Variants in GSC observed in about 807,000 individuals in gnomAD.
GSC encodes the protein goosecoid homeobox.
In GSC, 13 loss-of-function variants were observed where a neutral mutation model predicts 24.5. The ratio of observed to expected loss-of-function variants is 0.53; its 90% CI spans 0.35 to 0.84. GSC has a LOEUF of 0.84. Among genes scored for constraint, GSC ranks in the 40% least tolerant of loss-of-function variants. The pLI, the probability that GSC is intolerant of heterozygous loss-of-function variation, is 0.01. For missense variants in GSC, 382 were observed against 384.2 expected, an observed-to-expected ratio of 0.99 and a Z score of 0.05; for synonymous variants, 199 against 182.1, an observed-to-expected ratio of 1.09 and a Z score of -0.75.
At chr14:94,768,895 C>T (rs930059252) in intron 2 of GSC, 63 bp downstream of exon 2, 18 of 1,544,984 alleles carry the variant, frequency 1.2e-5, no homozygotes, top group Non-Finnish European at 1.6e-5. Context: ...TGGGCAAACC[C>T]GACTGGGGCC....
rs1364836375 is a variant in GSC, at chr14:94,769,063, C to T, written c.510G>A (p.Glu170=). ...AGAGGTTCTCGAGAGCTTCGAGCTGCTCGTCAGTGAAGATGGTGCGGTGCC... is the reference window on the plus strand; with the variant it reads ...AGAGGTTCTCGAGAGCTTCGAGCTGTTCGTCAGTGAAGATGGTGCGGTGCC... ...KRRHRTIFTD[E]QLEALENLFQ... Residue 170 remains glutamate, a synonymous_variant, in exon 2 of 3, where the codon GAG becomes GAA. Coordinates refer to ENST00000238558, the MANE Select transcript of GSC (RefSeq NM_173849.3). 3.1e-6 allele frequency: 5 copies of T among 1,595,310 alleles called. No homozygotes were observed. In the Middle Eastern group the frequency reaches 8.3e-4, roughly 264 times the overall value.
At position 94,769,988 on chromosome 14, in the gene GSC, T is replaced by C; in HGVS notation, c.28A>G (p.Asn10Asp). Residue 10 changes from asparagine (N) to aspartate (D), a missense_variant, in exon 1 of 3, where the codon AAC becomes GAC. Asn to Asp is a conservative substitution (Grantham distance 23). Transcript: ENST00000238558. MPASMFSID[N>D]ILAARPRCKD... is the part of the protein sequence containing the mutation. Reference sequence around the variant, plus strand: ...CAGCGCGGCCGGGCGGCTAGGATGTTGTCGATGCTGAACATGCTGGCGGGC... The same window carrying C: ...CAGCGCGGCCGGGCGGCTAGGATGTCGTCGATGCTGAACATGCTGGCGGGC... 2 of 1,560,752 alleles carry C rather than the reference T, an allele frequency of 1.3e-6. No individual in the cohort carries two copies. The highest frequency in any genetic ancestry group is 1.7e-6 in the Non-Finnish European group (2 of 1,162,354).
chr14:94,769,733 CG>C lies in GSC; in HGVS notation c.282del (p.Val95TrpfsTer45). ...FYGQLHVQAA[P>X]VGPACCGAVP... is the part of the protein sequence containing the mutation. ...ACGGCCCCGCAGCAGGCCGGGCCCA[CG>C]GGCGCCGCCTGCACGTGCAGCTGCC... On this transcript the variant is annotated frameshift_variant, in exon 1 of 3. Coordinates refer to ENST00000238558, the MANE Select transcript of GSC (RefSeq NM_173849.3). LOFTEE classifies it high-confidence loss of function. 6.9e-7 allele frequency: 1 copy of C among 1,441,252 alleles called. No individual in the cohort carries two copies. Among genetic ancestry groups the C allele is most frequent in the Non-Finnish European group, 9.0e-7 (1 of 1,106,634 alleles). 89.3% of individuals were successfully genotyped at this position (1,441,252 alleles called of 1,614,324 possible).
chr14:94,768,700 C>T, intron 2 of GSC, 51 bp from the exon 3 acceptor site: 1 of 1,605,184 alleles, frequency 6.2e-7, no homozygotes, highest in African/African-American at 1.3e-5. Context: ...GCGCTTCCCC[C>T]AGTCCCGGGG....
chr14:94,768,779 T>C (rs1181765875), intron 2 of GSC, 130 bp from the exon 3 acceptor site: 7 of 1,415,914 alleles, frequency 4.9e-6, no homozygotes, highest in African/African-American at 1.4e-5. Flanking sequence ...AGCCGCTCGC[T>C]CCCGCTTCCG....
At position 94,769,698 on chromosome 14, in the gene GSC, C is replaced by T; in HGVS notation, c.318G>A (p.Leu106=). Residue 106 remains leucine (L), a synonymous_variant, in exon 1 of 3, where the codon CTG becomes CTA. Transcript: ENST00000238558. Reference sequence around the variant, plus strand: ...GGACGCAGGAGCACTGCTGGGCGCCCAGCGGCGGCACGGCCCCGCAGCAGG... The same window carrying T: ...GGACGCAGGAGCACTGCTGGGCGCCTAGCGGCGGCACGGCCCCGCAGCAGG... ...GPACCGAVPP[L]GAQQCSCVPT... 1 of 1,446,232 alleles carries T rather than the reference C, an allele frequency of 6.9e-7. No individual in the cohort carries two copies. Among genetic ancestry groups the T allele is most frequent in the Non-Finnish European group, 9.0e-7 (1 of 1,108,688 alleles). The allele number at this position is 1,446,232 out of a possible 1,614,324, so 89.6% of individuals were successfully genotyped here.
intron 2 of GSC, 134 bp downstream of exon 2, chr14:94,768,824 T>C: frequency 4.3e-6 from 6 of 1,409,756 alleles, no homozygotes; most frequent in Non-Finnish European, 1.9e-6. Context: ...TAAAGCGCCC[T>C]CCAGCAGCCT....
Position 94,770,044 on chromosome 14 carries a change from C to G in GSC, c.-29G>C. ...CGAGCCCCGCGTCGGGACCGGGGGG[C>G]GGCGGGAACGCGCCGAGGACAGAGC... On this transcript the variant is annotated 5_prime_UTR_variant, in exon 1 of 3. Transcript: ENST00000238558. 1 of 1,530,300 alleles carries G rather than the reference C, an allele frequency of 6.5e-7. No individual in the cohort carries two copies. Among genetic ancestry groups the G allele is most frequent in the Non-Finnish European group, 8.7e-7 (1 of 1,145,700 alleles). The allele number at this position is 1,530,300 out of a possible 1,614,324, so 94.8% of individuals were successfully genotyped here.
chr14:94,769,299 C>A, intron 1 of GSC, 82 bp from the exon 2 acceptor site: 6 of 1,498,414 alleles, frequency 4.0e-6, no homozygotes, highest in South Asian at 1.3e-5. Context: ...GACCCTCTTC[C>A]ACTTAGAAGT....
At position 94,769,867 on chromosome 14, in the gene GSC, GCGC is replaced by G. The variant is rs552249582; in HGVS notation, c.146_148del (p.Gly49del). 3 of 1,496,158 alleles carry G rather than the reference GCGC, an allele frequency of 2.0e-6. No homozygotes were observed. The African/African-American group carries it at 4.4e-5, about 22-fold the overall frequency. The allele number at this position is 1,496,158 out of a possible 1,614,324, so 92.7% of individuals were successfully genotyped here. A position where few individuals can be genotyped will look rare whatever the true frequency, so the allele number is the denominator to read the frequency against. On this transcript the variant is annotated inframe_deletion, in exon 1 of 3. Coordinates refer to ENST00000238558, the MANE Select transcript of GSC (RefSeq NM_173849.3). Reference sequence around the variant, plus strand: ...GTAGAAGGCGCCATAGTCCGAGGAGGCGCCGCCGCTGGCGCCGTAGAGCGAGTC... The same window carrying G: ...GTAGAAGGCGCCATAGTCCGAGGAGGCGCCGCTGGCGCCGTAGAGCGAGTC...
At chr14:94,769,618 G>A (rs1053991652) in intron 1 of GSC, 43 bp downstream of exon 1, 13 of 1,405,348 alleles carry the variant, frequency 9.3e-6, no homozygotes, top group Non-Finnish European at 1.0e-5. Flanking sequence ...CATGGGCTAA[G>A]GACCGCAGTG....
chr14:94,768,927 C>A lies in GSC; in HGVS notation c.615+31G>T, dbSNP rs746527118. 7.0e-6 allele frequency: 11 copies of A among 1,562,440 alleles called. 1 individual carries two copies. In the South Asian group the frequency reaches 7.0e-5, roughly 10 times the overall value. On this transcript the variant is annotated intron_variant, in intron 2 of 2. Transcript: ENST00000238558. ...GGCCCCACCTCGCGGGGAAGGACCG[C>A]TAGGCGCCCACGGCAGGCCCCGGCG...
chr14:94,769,461 G>A (rs951568883), intron 1 of GSC, among the ~76,000 whole-genome samples, 200 bp downstream of exon 1: 1 of 151,662 alleles, frequency 6.6e-6, no homozygotes, highest in Non-Finnish European at 1.5e-5. Flanking sequence ...CAGTTTCCCC[G>A]GGCAGGCACT....
rs1485930466 is a variant in GSC at position 94,768,504 on chromosome 14, T to C, written c.761A>G (p.Asp254Gly). 3.7e-6 allele frequency: 6 copies of C among 1,613,958 alleles called. No homozygotes were observed. In the Admixed American group the frequency reaches 6.7e-5, roughly 18 times the overall value. ...KREEEGKSDLDSDS is the reference protein window; with the variant it reads ...KREEEGKSDLGSDS Reference sequence around the variant, plus strand: ...GTCCCGCGGCCGTCAGCTGTCCGAGTCCAAATCGCTTTTACCTTCCTCTTC... The same window carrying C: ...GTCCCGCGGCCGTCAGCTGTCCGAGCCCAAATCGCTTTTACCTTCCTCTTC... Residue 254 changes from aspartate (D) to glycine (G), a missense_variant, in exon 3 of 3, where the codon GAC becomes GGC. Coordinates refer to ENST00000238558, the MANE Select transcript of GSC (RefSeq NM_173849.3).
chr14:94,768,301 T>G lies in GSC; in HGVS notation c.*190A>C. 1 of 691,868 alleles carries G rather than the reference T, an allele frequency of 1.4e-6. No individual in the cohort carries two copies. The highest frequency in any genetic ancestry group is 2.5e-6 in the Non-Finnish European group (1 of 399,202). 42.9% of individuals were successfully genotyped at this position (691,868 alleles called of 1,614,324 possible). ...CGGTGGGGGCTAGTCGCGGGCGGCC[T>G]CGGGCTGCTGGGCTGTGCGCGCCCT... is the stretch of plus-strand genomic sequence containing the variant. On this transcript the variant is annotated 3_prime_UTR_variant, in exon 3 of 3. Transcript: ENST00000238558.
At chr14:94,768,926 G>T (rs777349659) in intron 2 of GSC, 32 bp downstream of exon 2, 1 of 1,561,156 alleles carries the variant, frequency 6.4e-7, no homozygotes, top group South Asian at 1.2e-5. Flanking sequence ...GGGAAGGACC[G>T]CTAGGCGCCC....
At position 94,768,392 on chromosome 14, in the gene GSC, C is replaced by T. The variant is rs553893452; in HGVS notation, c.*99G>A. ...CAGCTCCTCGTTCCTCTTTCTCGAC[C>T]CCCTCCCGCAAGGCAGCGCGTGTGC... On this transcript the variant is annotated 3_prime_UTR_variant, in exon 3 of 3. Transcript: ENST00000238558. The T allele has an allele frequency of 3.6e-5, 51 of 1,436,334 alleles. No homozygotes were observed. In the South Asian group the frequency reaches 4.0e-4, roughly 11 times the overall value. The allele number at this position is 1,436,334 out of a possible 1,614,324, so 89.0% of individuals were successfully genotyped here.
rs547578503 is a variant in GSC, at chr14:94,770,020, G to A, written c.-5C>T. 1.9e-6 allele frequency: 3 copies of A among 1,547,942 alleles called. No individual in the cohort carries two copies. The highest frequency in any genetic ancestry group is 2.4e-5 in the South Asian group (2 of 85,060). On this transcript the variant is annotated 5_prime_UTR_variant, in exon 1 of 3. Coordinates refer to ENST00000238558, the MANE Select transcript of GSC (RefSeq NM_173849.3). Reference sequence around the variant, plus strand: ...GCTGAACATGCTGGCGGGCATCCCCGAGCCCCGCGTCGGGACCGGGGGGCG... The same window carrying A: ...GCTGAACATGCTGGCGGGCATCCCCAAGCCCCGCGTCGGGACCGGGGGGCG...
intron 1 of GSC, 58 bp downstream of exon 1, chr14:94,769,603 G>C (rs557749070): frequency 7.8e-6 from 11 of 1,401,596 alleles, no homozygotes; most frequent in South Asian, 6.5e-5. Flanking sequence ...TTAACCAACC[G>C]GCTCCATGGG....
Sources: gnomAD v4.1 joint callset for allele counts (sites outside exome capture counted in the v4.1 genomes callset) on GRCh38, gnomAD v4.1.1 for gene constraint, MANE v1.5 for transcripts, NCBI Gene and HGNC (gene_info 2026-07-23, HGNC 2026-07-21) for gene names.